The following PRTG variants were observed in gnomAD, a reference collection of about 807,000 sequenced individuals.
PRTG encodes the protein protogenin.
A neutral mutation model predicts 122.5 loss-of-function variants in PRTG; 67 were observed. The observed-to-expected ratio is 0.55, with a 90% CI of 0.45 to 0.67. PRTG has a LOEUF of 0.67. PRTG is among the 30% of genes least tolerant of loss of function. The pLI, the probability that PRTG is intolerant of heterozygous loss-of-function variation, is 0.00. For missense variants in PRTG, 1,435 were observed against 1,415.4 expected (o/e 1.01, Z -0.22); for synonymous variants, 554 against 501.1 (o/e 1.11, Z -1.41).
chr15:55,680,298 A>G, intron 5 of PRTG, 86 bp from the exon 6 acceptor site: 1 of 1,211,878 alleles, frequency 8.3e-7, no homozygotes, highest in Non-Finnish European at 1.2e-6. Flanking sequence ...GCAATCAATC[A>G]TGAAAAGTAT....
chr15:55,626,118 G>C (rs991523365), intron 17 of PRTG, among the ~76,000 whole-genome samples: 3 of 152,042 alleles, frequency 2.0e-5, no homozygotes, highest in African/African-American at 4.8e-5. Flanking sequence ...AAAATACTAA[G>C]AAAATGAGGA....
In PRTG at chr15:55,682,464, G is replaced by A. The variant is rs753615214; in HGVS notation, c.576C>T (p.Ile192=). The change falls in exon 4 of 20, where the codon ATC becomes ATT. Residue 192 remains isoleucine (I), a synonymous_variant. Coordinates refer to ENST00000389286, the MANE Select transcript of PRTG (RefSeq NM_173814.6). ...ITALPTGVLQ[I]YDVSQRDSGN... ...CAGAATCCCTTTGGCTGACATCATA[G>A]ATCTGCAATACTCCTGTTGGTAGGG... 1 of 1,593,686 alleles carries A rather than the reference G, an allele frequency of 6.3e-7. No individual in the cohort carries two copies. Among genetic ancestry groups the A allele is most frequent in the African/African-American group, 1.3e-5 (1 of 74,290 alleles).
intron 2 of PRTG, 29 bp downstream of exon 2, chr15:55,740,353 T>C (rs1252389327): frequency 2.6e-6 from 4 of 1,542,278 alleles, no homozygotes; most frequent in South Asian, 1.3e-5. Context: ...CAATGAAAAA[T>C]GTCAACAACT....
At chr15:55,656,431 A>T (rs1040201602) in intron 11 of PRTG, 3 of 438,134 alleles carry the variant, frequency 6.8e-6, no homozygotes, top group African/African-American at 6.1e-5. Context: ...GGAAAATAAA[A>T]AATCTATAAT....
At chr15:55,705,854 C>CT (rs33973404) in intron 2 of PRTG, among the ~76,000 whole-genome samples, 13,800 of 125,362 alleles carry the variant, frequency 0.11, 1,156 homozygotes, top group African/African-American at 0.19. Context: ...ACTTGCTATT[C>CT]TTTTTTTTTT....
chr15:55,712,200 T>C (rs903855215), intron 2 of PRTG, among the ~76,000 whole-genome samples: 35 of 152,330 alleles, frequency 2.3e-4, no homozygotes, highest in African/African-American at 6.7e-4. Flanking sequence ...CACTGATAAG[T>C]CTTTGACATA....
chr15:55,714,282 T>C (rs2030515505), intron 2 of PRTG, among the ~76,000 whole-genome samples: 1 of 151,448 alleles, frequency 6.6e-6, no homozygotes, highest in East Asian at 1.9e-4. Flanking sequence ...TGGAGTGCAG[T>C]GGTGATACCA....
intron 2 of PRTG, among the ~76,000 whole-genome samples, chr15:55,689,710 G>A (rs917285302): frequency 1.3e-5 from 2 of 151,648 alleles, no homozygotes; most frequent in South Asian, 4.2e-4. Flanking sequence ...GGTGGATCAC[G>A]AGGTCAGGAG....
chr15:55,680,620 A>C lies in PRTG; in HGVS notation c.685T>G (p.Ser229Ala). 6.5e-7 allele frequency: 1 copy of C among 1,536,980 alleles called. No individual in the cohort carries two copies. Among genetic ancestry groups the C allele is most frequent in the Non-Finnish European group, 8.8e-7 (1 of 1,139,692 alleles). The part of the protein sequence containing the change: ...ASLTVIPAKE[S>A]KSFHTPTIIA... ...ATTGTTGGTGTGTGGAAGGATTTTG[A>C]CTCCTTAGCTTTGGGGAGGAAAAGA... The change falls in exon 5 of 20, where the codon TCA becomes GCA. Residue 229 changes from serine (S) to alanine (A), a missense_variant. Physicochemically the swap from Ser to Ala is moderately conservative, Grantham distance 99. Coordinates refer to ENST00000389286, the MANE Select transcript of PRTG (RefSeq NM_173814.6).
intron 3 of PRTG, among the ~76,000 whole-genome samples, chr15:55,683,348 GATGTGTGC>G (rs1370776552): frequency 2.6e-5 from 4 of 152,064 alleles, no homozygotes; most frequent in Non-Finnish European, 5.9e-5. Flanking sequence ...CAGAACACTA[GATGTGTGC>G]ATGTGTGCTT....
In PRTG at chr15:55,620,647, CATTT is replaced by C. The variant is rs1440685468; in HGVS notation, c.3198+12_3198+15del. 2 of 1,572,358 alleles carry C rather than the reference CATTT, an allele frequency of 1.3e-6. No homozygotes were observed. Among genetic ancestry groups the C allele is most frequent in the African/African-American group, 2.8e-5 (2 of 72,022 alleles). On this transcript the variant is annotated intron_variant, in intron 19 of 19. Transcript: ENST00000389286. ...ATCACGCATTGCCAAAAATTTTTCT[CATTT>C]AGATAGGTTACCTGCTCAACTTGTA...
chr15:55,707,232 T>A (rs1161869302), intron 2 of PRTG, among the ~76,000 whole-genome samples: 3 of 152,208 alleles, frequency 2.0e-5, no homozygotes, highest in African/African-American at 7.2e-5. Flanking sequence ...TCCCTGCCTA[T>A]ACAAAGGCTC....
At chr15:55,640,622 C>T (rs543787785) in intron 12 of PRTG, among the ~76,000 whole-genome samples, 1 of 152,260 alleles carries the variant, frequency 6.6e-6, no homozygotes, top group Admixed American at 6.5e-5. Context: ...TTATTTTCCT[C>T]AGTTAAATGT....
chr15:55,650,402 C>G (rs1216764533), intron 11 of PRTG, among the ~76,000 whole-genome samples: 1 of 152,102 alleles, frequency 6.6e-6, no homozygotes, highest in Non-Finnish European at 1.5e-5. Context: ...GAACTTGACC[C>G]TACAAGAAGC....
chr15:55,738,422 G>A, intron 2 of PRTG: 1 of 695,108 alleles, frequency 1.4e-6, no homozygotes, highest in Non-Finnish European at 2.6e-6. Context: ...AGGAGGTCCT[G>A]GAAACAATGT....
intron 2 of PRTG, among the ~76,000 whole-genome samples, chr15:55,737,317 T>C (rs893775028): frequency 6.6e-6 from 1 of 152,206 alleles, no homozygotes; most frequent in African/African-American, 2.4e-5. Flanking sequence ...AAGCTAAATA[T>C]TACTTTAACC....
intron 2 of PRTG, among the ~76,000 whole-genome samples, chr15:55,717,325 G>T (rs2030636210): frequency 6.6e-6 from 1 of 152,124 alleles, no homozygotes; most frequent in African/African-American, 2.4e-5. Flanking sequence ...ATCTGTAGAG[G>T]AATTCTGTTA....
At chr15:55,627,268 GAC>G (rs2059200009) in intron 16 of PRTG, 140 bp from the exon 17 acceptor site, 1 of 451,016 alleles carries the variant, frequency 2.2e-6, no homozygotes, top group Non-Finnish European at 3.9e-6. Flanking sequence ...AAGCAGAAAG[GAC>G]ACACAGTAAT....
chr15:55,729,641 G>A (rs931676011), intron 2 of PRTG, among the ~76,000 whole-genome samples: 16 of 151,824 alleles, frequency 1.1e-4, no homozygotes, highest in African/African-American at 3.4e-4. Context: ...ATATCTAAAA[G>A]GGTGAACTTT....
Sources: gnomAD v4.1 joint callset for allele counts (sites outside exome capture counted in the v4.1 genomes callset) on GRCh38, gnomAD v4.1.1 for gene constraint, MANE v1.5 for transcripts, NCBI Gene and HGNC (gene_info 2026-07-23, HGNC 2026-07-21) for gene names.